Variants in NELL1 observed in about 807,000 individuals in gnomAD.
The protein encoded by NELL1 is neural EGFL like 1, also known as protein kinase C-binding protein NELL1.
Under a neutral mutation model 107.4 loss-of-function variants are expected in NELL1, and 76 were observed. That is an observed-to-expected ratio of 0.71 (90% CI 0.59 to 0.86). NELL1 has a LOEUF of 0.86. Ranked by LOEUF, NELL1 falls within the 40% of genes least tolerant of loss-of-function variation. NELL1 has a pLI of 0.00. For synonymous variants in NELL1, 353 were observed against 341.2 expected (o/e 1.03, Z -0.38); for missense variants, 1,024 against 1,005.5 (o/e 1.02, Z -0.25).
At chr11:20,983,627 CTGAG>C (rs1851792876) in intron 12 of NELL1, among the ~76,000 whole-genome samples, 1 of 152,156 alleles carries the variant, frequency 6.6e-6, no homozygotes, top group Non-Finnish European at 1.5e-5. Flanking sequence ...TTTTTATCTA[CTGAG>C]TATCTTTTCA....
chr11:21,186,973 A>G (rs1342414260), intron 13 of NELL1, among the ~76,000 whole-genome samples: 1 of 151,712 alleles, frequency 6.6e-6, no homozygotes, highest in African/African-American at 2.4e-5. Flanking sequence ...TCACTTTAAT[A>G]TTGCTGACTG....
At chr11:21,000,193 C>A (rs1167615724) in intron 12 of NELL1, among the ~76,000 whole-genome samples, 2 of 151,954 alleles carry the variant, frequency 1.3e-5, no homozygotes, top group African/African-American at 4.8e-5. Context: ...TTAATCGCAC[C>A]AGCACGGCAC....
At chr11:21,247,077 G>T (rs1447046103) in intron 14 of NELL1, among the ~76,000 whole-genome samples, 1 of 152,086 alleles carries the variant, frequency 6.6e-6, no homozygotes, top group Non-Finnish European at 1.5e-5. Flanking sequence ...GATAAAGAGT[G>T]GTACACCTAT....
intron 5 of NELL1, among the ~76,000 whole-genome samples, chr11:20,886,941 A>T (rs57594439): frequency 1.3e-5 from 2 of 152,212 alleles, no homozygotes; most frequent in Non-Finnish European, 2.9e-5. Context: ...TATAATCATC[A>T]TTGTAATTGA....
chr11:21,436,138 C>A (rs1396250272), intron 15 of NELL1, among the ~76,000 whole-genome samples: 2 of 152,082 alleles, frequency 1.3e-5, no homozygotes, highest in East Asian at 1.9e-4. Flanking sequence ...CTCACTGCAA[C>A]CTCTGCCTCG....
intron 2 of NELL1, among the ~76,000 whole-genome samples, chr11:20,745,778 G>A (rs564953969): frequency 3.4e-4 from 52 of 152,274 alleles, no homozygotes; most frequent in African/African-American, 1.2e-3. Context: ...TTGATCTGGT[G>A]CAATGCCATA....
At chr11:21,090,420 C>T (rs1030376442) in intron 12 of NELL1, among the ~76,000 whole-genome samples, 1 of 152,134 alleles carries the variant, frequency 6.6e-6, no homozygotes, top group East Asian at 1.9e-4. Context: ...CTAGTTCTAA[C>T]AGAGCTATTT....
intron 15 of NELL1, among the ~76,000 whole-genome samples, chr11:21,448,928 A>G (rs1172523823): frequency 1.3e-5 from 2 of 152,202 alleles, no homozygotes; most frequent in Admixed American, 1.3e-4. Flanking sequence ...ATTCCATTGT[A>G]TGGCTATATC....
chr11:21,093,078 G>A (rs562712025), intron 12 of NELL1, among the ~76,000 whole-genome samples: 11 of 152,282 alleles, frequency 7.2e-5, no homozygotes, highest in Admixed American at 7.2e-4. Flanking sequence ...GTTCAGGGGT[G>A]GGAGGAGGAA....
intron 2 of NELL1, among the ~76,000 whole-genome samples, chr11:20,719,905 T>TA (rs35937232): frequency 0.7 from 106,928 of 152,048 alleles, 40,820 homozygotes; most frequent in East Asian, 0.95. Flanking sequence ...ACCAGACTGT[T>TA]AGTCACTTTT....
intron 13 of NELL1, among the ~76,000 whole-genome samples, chr11:21,180,339 A>G (rs1856802585): frequency 6.6e-6 from 1 of 151,768 alleles, no homozygotes; most frequent in South Asian, 2.1e-4. Context: ...CAAATTTTTT[A>G]CATGACTGAA....
At chr11:21,246,192 A>C (rs990830190) in intron 14 of NELL1, among the ~76,000 whole-genome samples, 11 of 152,190 alleles carry the variant, frequency 7.2e-5, no homozygotes, top group Non-Finnish European at 1.5e-4. Context: ...AAATCATACC[A>C]GTTTTCTATG....
chr11:21,178,001 T>C (rs887377711), intron 13 of NELL1, among the ~76,000 whole-genome samples: 1 of 151,926 alleles, frequency 6.6e-6, no homozygotes, highest in African/African-American at 2.4e-5. Context: ...GAGTTTCTTA[T>C]ATACTTTGAA....
At chr11:21,130,589 G>T (rs1253762092) in intron 13 of NELL1, among the ~76,000 whole-genome samples, 1 of 152,134 alleles carries the variant, frequency 6.6e-6, no homozygotes, top group Non-Finnish European at 1.5e-5. Context: ...AGCAACCAGG[G>T]AGTTGAAAGA....
intron 15 of NELL1, among the ~76,000 whole-genome samples, chr11:21,439,056 C>A (rs2133843295): frequency 8.4e-6 from 1 of 119,408 alleles, no homozygotes; most frequent in South Asian, 2.7e-4. Flanking sequence ...GGACACAGAC[C>A]AAACTGCAGG....
chr11:21,208,338 A>G (rs777796288), intron 13 of NELL1, among the ~76,000 whole-genome samples: 4 of 151,786 alleles, frequency 2.6e-5, no homozygotes, highest in Non-Finnish European at 5.9e-5. Flanking sequence ...CTTCTCTTCA[A>G]CACTAGTGTA....
intron 2 of NELL1, among the ~76,000 whole-genome samples, chr11:20,695,589 A>G (rs1409659782): frequency 6.6e-6 from 1 of 152,066 alleles, no homozygotes; most frequent in East Asian, 1.9e-4. Flanking sequence ...GTGGTGAATG[A>G]CATTTATTGA....
At chr11:20,764,161 C>T (rs774325799) in intron 2 of NELL1, among the ~76,000 whole-genome samples, 2 of 152,210 alleles carry the variant, frequency 1.3e-5, no homozygotes, top group Non-Finnish European at 2.9e-5. Context: ...ATTCACATAA[C>T]AGCTATCCAG....
chr11:20,814,156 C>T (rs12806381), intron 3 of NELL1, among the ~76,000 whole-genome samples: 29 of 151,710 alleles, frequency 1.9e-4, no homozygotes, highest in Non-Finnish European at 3.4e-4. Flanking sequence ...CCGCCACGCC[C>T]GGCTAATTTT....
Sources: gnomAD v4.1 joint callset for allele counts (sites outside exome capture counted in the v4.1 genomes callset) on GRCh38, gnomAD v4.1.1 for gene constraint, MANE v1.5 for transcripts, NCBI Gene and HGNC (gene_info 2026-07-23, HGNC 2026-07-21) for gene names.